Variants in PROP1 observed in about 807,000 individuals in gnomAD.
PROP1 encodes PROP paired-like homeobox 1, also known as homeobox protein prophet of Pit-1.
In PROP1, 12 loss-of-function variants were observed where a neutral mutation model predicts 22.3. The ratio of observed to expected loss-of-function variants is 0.54; its 90% CI spans 0.34 to 0.87. The LOEUF (loss-of-function observed/expected upper bound fraction) is 0.87. PROP1 is among the 40% of genes least tolerant of loss of function. The pLI, the probability that PROP1 is intolerant of heterozygous loss-of-function variation, is 0.01. For synonymous variants in PROP1, 112 were observed against 116.7 expected, an observed-to-expected ratio of 0.96 and a Z score of 0.26; for missense variants, 278 against 295.1, an observed-to-expected ratio of 0.94 and a Z score of 0.43.
chr5:177,995,021 C>T (rs970825105), intron 1 of PROP1, among the ~76,000 whole-genome samples: 1 of 152,180 alleles, frequency 6.6e-6, no homozygotes, highest in Admixed American at 6.5e-5. Flanking sequence ...GCTGTGTGCA[C>T]CTGCACCCTA....
chr5:177,992,648 T>G lies in PROP1; in HGVS notation c.*61A>C. 4 of 1,188,230 alleles carry G rather than the reference T, an allele frequency of 3.4e-6. No homozygotes were observed. Among genetic ancestry groups the G allele is most frequent in the Non-Finnish European group, 4.8e-6 (4 of 836,402 alleles). The allele number at this position is 1,188,230 out of a possible 1,614,324, so 73.6% of individuals were successfully genotyped here. On this transcript the variant is annotated 3_prime_UTR_variant, in exon 3 of 3. Coordinates refer to ENST00000308304, the MANE Select transcript of PROP1 (RefSeq NM_006261.5). ...CATAGATGGAAAGGAAGCCACCCCA[T>G]TTTCTTGTCTTTTCACGAGGGCCGC...
chr5:177,994,129 C>T lies in PROP1; in HGVS notation c.319G>A (p.Gly107Ser). Residue 107 changes from glycine (G) to serine (S), a missense_variant, in exon 2 of 3, where the codon GGC becomes AGC. By Grantham distance (56) the Gly-to-Ser change is moderately conservative. Transcript: ENST00000308304. ...ACCTGGATTCGGGCCTCACTGAGGC[C>T]AGTGTCCCGGGCAAGACTCTCTCGG... ...WARESLARDT[G>S]LSEARIQVWF... 6.2e-7 allele frequency: 1 copy of T among 1,614,156 alleles called. No homozygotes were observed. Among genetic ancestry groups the T allele is most frequent in the African/African-American group, 1.3e-5 (1 of 75,036 alleles).
chr5:177,994,926 C>T (rs1385308258), intron 1 of PROP1, among the ~76,000 whole-genome samples: 1 of 152,154 alleles, frequency 6.6e-6, no homozygotes, highest in Non-Finnish European at 1.5e-5. Flanking sequence ...TGCCCACTTC[C>T]TATTGCACTG....
chr5:177,994,064 TCTGCA>T (rs761440083), intron 2 of PROP1, 37 bp downstream of exon 2: 187 of 1,601,538 alleles, frequency 1.2e-4, no homozygotes, highest in Non-Finnish European at 1.5e-4. Context: ...ACCAAAGAAA[TCTGCA>T]TTTCTTTCCT....
chr5:177,994,703 G>C (rs568146092), intron 1 of PROP1, among the ~76,000 whole-genome samples: 11 of 152,174 alleles, frequency 7.2e-5, no homozygotes, highest in Admixed American at 5.2e-4. Flanking sequence ...GCCTCTCAAA[G>C]TGCTGGGATT....
chr5:177,996,139 C>T lies in PROP1; in HGVS notation c.-206G>A. 4.9e-6 allele frequency: 3 copies of T among 609,806 alleles called. No homozygotes were observed. In the South Asian group the frequency reaches 5.9e-5, roughly 12 times the overall value. The allele number at this position is 609,806 out of a possible 1,614,324, so 37.8% of individuals were successfully genotyped here. A position where few individuals can be genotyped will look rare whatever the true frequency, so the allele number is the denominator to read the frequency against. On this transcript the variant is annotated 5_prime_UTR_variant, in exon 1 of 3. Transcript: ENST00000308304. ...TTTTTTCTAATTGTTTCCTAATTCC[C>T]CCTTCCTTGGCTTGAGTGTCAGCTC...
rs1346883841 is a variant in PROP1 at position 177,992,755 on chromosome 5, G to C, written c.635C>G (p.Pro212Arg). 1.3e-6 allele frequency: 2 copies of C among 1,591,732 alleles called. No homozygotes were observed. The highest frequency in any genetic ancestry group is 2.3e-5 in the South Asian group (2 of 88,394). Residue 212 changes from proline (P) to arginine (R), a missense_variant, in exon 3 of 3, where the codon CCT (proline) becomes CGT (arginine). Transcript: ENST00000308304. ...CTCAAGGCTGAGGGGGAGCATGGGA[G>C]GGGGTGGGGGGCAGGGCAGATGGCC... ...PAGHLPCPPP[P>R]PMLPLSLEPS... is the part of the protein sequence containing the mutation.
intron 1 of PROP1, among the ~76,000 whole-genome samples, chr5:177,994,619 A>T (rs1221023972): frequency 6.6e-6 from 1 of 151,854 alleles, no homozygotes; most frequent in Non-Finnish European, 1.5e-5. Flanking sequence ...AAAAATAAAA[A>T]ATTAGAGATG....
chr5:177,993,953 T>C (rs912910888), intron 2 of PROP1, among the ~76,000 whole-genome samples, 153 bp downstream of exon 2: 1 of 152,238 alleles, frequency 6.6e-6, no homozygotes, highest in South Asian at 2.1e-4. Context: ...TCAAGTGATA[T>C]GATATTCTCA....
chr5:177,993,002 A>AGC lies in PROP1; in HGVS notation c.386_387dup (p.Ser130AlafsTer36), dbSNP rs1554182405. 2.5e-6 allele frequency: 4 copies of AGC among 1,614,018 alleles called. No homozygotes were observed. Among genetic ancestry groups the AGC allele is most frequent in the Non-Finnish European group, 3.4e-6 (4 of 1,179,984 alleles). The stretch of plus-strand genomic sequence containing the variant: ...AGATGGGCCAGAGGCTGAAGCAGTG[A>AGC]GCGCTCTTGCTTCCGTTGCTTAGCT... On this transcript the variant is annotated frameshift_variant, in exon 3 of 3. Transcript: ENST00000308304. LOFTEE classifies it high-confidence loss of function.
rs1356658083 is a variant in PROP1 at position 177,992,951 on chromosome 5, A to G, written c.439T>C (p.Leu147=). 1.2e-6 allele frequency: 2 copies of G among 1,614,002 alleles called. No individual in the cohort carries two copies. Among genetic ancestry groups the G allele is most frequent in the Non-Finnish European group, 1.7e-6 (2 of 1,179,996 alleles). Residue 147 remains leucine (L), a synonymous_variant, in exon 3 of 3, where the codon TTG becomes CTG. Transcript: ENST00000308304. ...HLSPAAFSSF[L]PESTACPYSY... is the part of the protein sequence containing the mutation. Reference sequence around the variant, plus strand: ...TAGGGGCAAGCAGTGGACTCTGGCAAGAAGCTGGAAAAGGCGGCAGGAGAC... The same window carrying G: ...TAGGGGCAAGCAGTGGACTCTGGCAGGAAGCTGGAAAAGGCGGCAGGAGAC...
At position 177,992,783 on chromosome 5, in the gene PROP1, C is replaced by T; in HGVS notation, c.607G>A (p.Ala203Thr). The T allele has an allele frequency of 6.3e-7, 1 of 1,593,110 alleles. No homozygotes were observed. The highest frequency in any genetic ancestry group is 8.5e-7 in the Non-Finnish European group (1 of 1,170,546). ...GGTGGGGGGCAGGGCAGATGGCCGG[C>T]AGGGGCTGGGTGCAAGGTAGGGTAC... ...DWYPTLHPAP[A>T]GHLPCPPPPP... The change falls in exon 3 of 3, where the codon GCC (alanine) becomes ACC (threonine). Residue 203 changes from alanine to threonine, a missense_variant. Ala to Thr is a moderately conservative substitution (Grantham distance 58). Transcript: ENST00000308304.
In PROP1 at chr5:177,995,882, C is replaced by T. The variant is rs775353413; in HGVS notation, c.52G>A (p.Gly18Ser). Residue 18 changes from glycine to serine, a missense_variant, in exon 1 of 3, where the codon GGC (glycine) becomes AGC (serine). Gly to Ser is a moderately conservative substitution (Grantham distance 56). Coordinates refer to ENST00000308304, the MANE Select transcript of PROP1 (RefSeq NM_006261.5). The stretch of plus-strand genomic sequence containing the variant: ...TGTCTCTCAGGCAACAGGTTGCTGC[C>T]GACTCGCCCCTTCTTTGGCTTCTCA... ...QAEKPKKGRV[G>S]SNLLPERHPA... 211 of 1,614,072 alleles carry T rather than the reference C, an allele frequency of 1.3e-4. 5 individuals carry two copies. In the South Asian group the frequency reaches 2.0e-3, roughly 16 times the overall value.
chr5:177,995,723 G>C, intron 1 of PROP1, 102 bp downstream of exon 1: 1 of 897,396 alleles, frequency 1.1e-6, no homozygotes, highest in Non-Finnish European at 1.8e-6. Flanking sequence ...GATAGGATTC[G>C]GGTTTTAATT....
chr5:177,995,692 A>G, intron 1 of PROP1, 133 bp downstream of exon 1: 1 of 734,528 alleles, frequency 1.4e-6, no homozygotes, highest in South Asian at 1.7e-5. Flanking sequence ...TTACTTTCAA[A>G]GGTTCCCACA....
intron 2 of PROP1, 81 bp from the exon 3 acceptor site, chr5:177,993,128 G>A (rs1308772960): frequency 8.0e-7 from 1 of 1,245,942 alleles, no homozygotes; most frequent in Non-Finnish European, 1.1e-6. Flanking sequence ...GAGGTGCAGG[G>A]ACAGGGAGCA....
chr5:177,995,777 C>T, intron 1 of PROP1, 48 bp downstream of exon 1: 1 of 1,444,828 alleles, frequency 6.9e-7, no homozygotes, highest in Non-Finnish European at 9.7e-7. Context: ...TTCAGCCTCA[C>T]ACCCGCTGCC....
chr5:177,994,218 C>CTGAA lies in PROP1; in HGVS notation c.226_229dup (p.Ser77IlefsTer35). On this transcript the variant is annotated frameshift_variant, in exon 2 of 3. Transcript: ENST00000308304. LOFTEE classifies it high-confidence loss of function. Reference sequence around the variant, plus strand: ...CTCCAGCTGTTCCAACTGCACTGGGCTGAAGGTGGTGCGGTGGCGGCGCCG... The same window carrying CTGAA: ...CTCCAGCTGTTCCAACTGCACTGGGCTGAATGAAGGTGGTGCGGTGGCGGCGCCG... 1 of 1,614,130 alleles carries CTGAA rather than the reference C, an allele frequency of 6.2e-7. No homozygotes were observed. The highest frequency in any genetic ancestry group is 8.5e-7 in the Non-Finnish European group (1 of 1,180,006).
Position 177,992,927 on chromosome 5 carries a change from A to G in PROP1, c.463T>C (p.Tyr155His), listed in dbSNP as rs1421559072. The G allele has an allele frequency of 6.2e-7, 1 of 1,613,750 alleles. No homozygotes were observed. Among genetic ancestry groups the G allele is most frequent in the African/African-American group, 1.3e-5 (1 of 74,860 alleles). Residue 155 changes from tyrosine (Y) to histidine (H), a missense_variant, in exon 3 of 3, where the codon TAT becomes CAT. Transcript: ENST00000308304. Reference sequence around the variant, plus strand: ...GGTGGTGGTGGTGCTGCGTAAGAATAGGGGCAAGCAGTGGACTCTGGCAAG... The same window carrying G: ...GGTGGTGGTGGTGCTGCGTAAGAATGGGGGCAAGCAGTGGACTCTGGCAAG... The part of the protein sequence containing the change: ...SFLPESTACP[Y>H]SYAAPPPPVT...
Sources: gnomAD v4.1 joint callset for allele counts (sites outside exome capture counted in the v4.1 genomes callset) on GRCh38, gnomAD v4.1.1 for gene constraint, MANE v1.5 for transcripts, NCBI Gene and HGNC (gene_info 2026-07-23, HGNC 2026-07-21) for gene names.